UNC79: variants seen among roughly 807,000 people sequenced by gnomAD.
UNC79 encodes protein unc-79 homolog.
Under a neutral mutation model 283.1 loss-of-function variants are expected in UNC79, and 37 were observed. The ratio of observed to expected loss-of-function variants is 0.13; its 90% CI spans 0.10 to 0.17. The LOEUF (loss-of-function observed/expected upper bound fraction) is 0.17. Among genes scored for constraint, UNC79 ranks in the 10% least tolerant of loss-of-function variants. The pLI is 1.00. For missense variants in UNC79, 2,272 were observed against 3,211.1 expected, an observed-to-expected ratio of 0.71 and a Z score of 7.07; for synonymous variants, 1,107 against 1,200.2, an observed-to-expected ratio of 0.92 and a Z score of 1.61.
At chr14:93,700,236 C>T (rs1032522365) in intron 47 of UNC79, among the ~76,000 whole-genome samples, 7 of 151,964 alleles carry the variant, frequency 4.6e-5, no homozygotes. Context: ...TTTGATGATG[C>T]TATGCCTTGG....
At chr14:93,655,333 A>G (rs1263547970) in exon 38 of UNC79, 1 of 1,614,186 alleles carries the variant, frequency 6.2e-7, no homozygotes, top group Non-Finnish European at 8.5e-7. Context: ...GGATTCTCCT[A>G]GTAGCCTCTG....
chr14:93,679,513 G>A (rs969134541), intron 41 of UNC79, among the ~76,000 whole-genome samples: 2 of 152,256 alleles, frequency 1.3e-5, no homozygotes, highest in East Asian at 1.9e-4. Flanking sequence ...AGTCTGTGGG[G>A]TATACCTGCA....
chr14:93,559,965 G>A (rs183693756), intron 14 of UNC79, among the ~76,000 whole-genome samples: 3 of 152,172 alleles, frequency 2.0e-5, no homozygotes, highest in South Asian at 2.1e-4. Flanking sequence ...TGCTTCAAGC[G>A]GGATTAGGGG....
rs190863611 is a variant in UNC79 at position 93,690,046 on chromosome 14, T to G, written c.7086-71T>G. 26 of 1,514,726 alleles carry G rather than the reference T, an allele frequency of 1.7e-5. No homozygotes were observed. The highest frequency in any genetic ancestry group is 2.2e-5 in the Non-Finnish European group (24 of 1,112,222). The allele number at this position is 1,514,726 out of a possible 1,614,324, so 93.8% of individuals were successfully genotyped here. ...CCACACTTTCAATCCCTTCCTTCAATAAGCATTTGTTATGCACCCAATGAA... is the reference window on the plus strand; with the variant it reads ...CCACACTTTCAATCCCTTCCTTCAAGAAGCATTTGTTATGCACCCAATGAA... On this transcript the variant is annotated intron_variant, in intron 44 of 48. Coordinates refer to ENST00000555664, the Ensembl canonical transcript of UNC79. This position sits in a 1 kb window ranked among gnomAD's most constrained non-coding sequence, Gnocchi z 4.3.
rs554756124 is a variant in UNC79, at chr14:93,636,894, A to G, written c.5717-322A>G. 1.8e-4 allele frequency among the ~76,000 whole-genome samples: 28 copies of G among 152,202 alleles called. No individual in the cohort carries two copies. In the East Asian group the frequency reaches 4.2e-3, roughly 23 times the overall value. On this transcript the variant is annotated intron_variant, in intron 31 of 48. Coordinates refer to ENST00000555664, the Ensembl canonical transcript of UNC79. ...ATAAAACATTTCTGTCATGGCTGTGATATTAGCCTTTCGTTTCCTATCTGG... is the reference window on the plus strand; with the variant it reads ...ATAAAACATTTCTGTCATGGCTGTGGTATTAGCCTTTCGTTTCCTATCTGG...
chr14:93,663,755 C>G (rs888419643), intron 40 of UNC79, among the ~76,000 whole-genome samples: 1 of 143,948 alleles, frequency 6.9e-6, no homozygotes, highest in African/African-American at 2.9e-5. Context: ...TGAAAGATAA[C>G]TTCTTCTTCT....
chr14:93,583,252 C>G (rs893568255), intron 20 of UNC79, among the ~76,000 whole-genome samples: 1 of 150,224 alleles, frequency 6.7e-6, no homozygotes, highest in African/African-American at 2.5e-5. Flanking sequence ...ACTGGGCAGG[C>G]AGAGGTGGTG....
At chr14:93,705,228 C>A (rs2075793381) in intron 48 of UNC79, among the ~76,000 whole-genome samples, 2 of 151,430 alleles carry the variant, frequency 1.3e-5, no homozygotes, top group Admixed American at 6.6e-5. Context: ...CAGAGTGAGA[C>A]CCTGTCTCTA....
At chr14:93,388,910 A>G (rs1200113041) in intron 1 of UNC79, among the ~76,000 whole-genome samples, 1 of 152,242 alleles carries the variant, frequency 6.6e-6, no homozygotes, top group Non-Finnish European at 1.5e-5. Context: ...CAATGTATCC[A>G]GGTTGGCTTC....
At chr14:93,445,169 T>G (rs1008005194) in intron 1 of UNC79, among the ~76,000 whole-genome samples, 2 of 152,218 alleles carry the variant, frequency 1.3e-5, no homozygotes, top group Non-Finnish European at 2.9e-5. Flanking sequence ...ACCACACTCA[T>G]GTATTTGGTG....
At chr14:93,370,342 A>G (rs1425539197) in intron 1 of UNC79, among the ~76,000 whole-genome samples, 1 of 152,248 alleles carries the variant, frequency 6.6e-6, no homozygotes, top group African/African-American at 2.4e-5. Flanking sequence ...CAATGTAAGC[A>G]GAGAGGTGGA....
chr14:93,529,719 C>G (rs2060717068), intron 10 of UNC79, among the ~76,000 whole-genome samples: 1 of 152,104 alleles, frequency 6.6e-6, no homozygotes, highest in South Asian at 2.1e-4. Context: ...ATTGGCCTTT[C>G]CCCTGCTACT....
exon 36 of UNC79, chr14:93,653,773 G>A (rs779925831): frequency 1.2e-6 from 2 of 1,612,820 alleles, no homozygotes; most frequent in Non-Finnish European, 1.7e-6. Context: ...GGCGGGGGTG[G>A]CCAAGCAGTT....
intron 30 of UNC79, among the ~76,000 whole-genome samples, chr14:93,627,570 G>C (rs761557252): frequency 3.9e-4 from 60 of 152,160 alleles, no homozygotes; most frequent in Non-Finnish European, 5.0e-4. Flanking sequence ...AGTCACAAAA[G>C]AACAAGCCGT....
chr14:93,511,954 TTTTC>T (rs1391011632), intron 7 of UNC79, among the ~76,000 whole-genome samples: 1 of 152,220 alleles, frequency 6.6e-6, no homozygotes, highest in Non-Finnish European at 1.5e-5. Flanking sequence ...ACATTAATTT[TTTTC>T]TAATTATCCA....
At chr14:93,580,575 G>A (rs1400493913) in intron 19 of UNC79, among the ~76,000 whole-genome samples, 199 bp downstream of exon 19, 4 of 152,240 alleles carry the variant, frequency 2.6e-5, no homozygotes, top group East Asian at 1.9e-4. Flanking sequence ...CACGCTATAC[G>A]GAATTCTATT....
chr14:93,501,280 C>T (rs777021535), intron 7 of UNC79, among the ~76,000 whole-genome samples: 3 of 151,854 alleles, frequency 2.0e-5, no homozygotes, highest in Admixed American at 6.6e-5. Context: ...GCCAAGATTG[C>T]GCCATTGCAC....
chr14:93,473,249 G>A (rs1318140317), intron 2 of UNC79, among the ~76,000 whole-genome samples: 1 of 151,924 alleles, frequency 6.6e-6, no homozygotes, highest in African/African-American at 2.4e-5. Flanking sequence ...TTGCTTAGTC[G>A]TTAGGATTTT....
At chr14:93,518,107 T>C (rs947883284) in intron 7 of UNC79, among the ~76,000 whole-genome samples, 2 of 152,158 alleles carry the variant, frequency 1.3e-5, no homozygotes, top group Non-Finnish European at 2.9e-5. Flanking sequence ...AGAGTAATAC[T>C]GACCTCATAA....
Sources: gnomAD v4.1 joint callset for allele counts (sites outside exome capture counted in the v4.1 genomes callset) on GRCh38, gnomAD v4.1.1 for gene constraint, Gnocchi (gnomAD v3.1) non-coding constraint, MANE v1.5 for transcripts, NCBI Gene and HGNC (gene_info 2026-07-23, HGNC 2026-07-21) for gene names.